The following CBLB variants were observed in gnomAD, a reference collection of about 807,000 sequenced individuals.
CBLB encodes E3 ubiquitin-protein ligase CBL-B.
A neutral mutation model predicts 104.9 loss-of-function variants in CBLB; 31 were observed. The observed-to-expected ratio is 0.30, with a 90% CI of 0.22 to 0.40. The LOEUF is 0.40. Among genes scored for constraint, CBLB ranks in the 10% least tolerant of loss-of-function variants. The pLI, the probability that CBLB is intolerant of heterozygous loss-of-function variation, is 1.00. For synonymous variants in CBLB, 440 were observed against 422.6 expected, an observed-to-expected ratio of 1.04 and a Z score of -0.51; for missense variants, 1,062 against 1,214.6, an observed-to-expected ratio of 0.87 and a Z score of 1.87.
rs865989824 is a variant in CBLB at position 105,656,109 on chromosome 3, G to A, written c.*2861C>T. On this transcript the variant is annotated 3_prime_UTR_variant, in exon 19 of 19. Transcript: ENST00000394030. ...ATTCAATTCTAGAAAAATTTGGTGA[G>A]ATATATCATACATTAGGGGATAAAA... 6.3e-5 allele frequency: 14 copies of A among 222,108 alleles called. No individual in the cohort carries two copies. In the Middle Eastern group the frequency reaches 4.2e-3, roughly 66 times the overall value. The allele number at this position is 222,108 out of a possible 1,614,324, so 13.8% of individuals were successfully genotyped here. A position where few individuals can be genotyped will look rare whatever the true frequency, so the allele number is the denominator to read the frequency against.
At chr3:105,662,004 A>T (rs1462309388) in intron 18 of CBLB, among the ~76,000 whole-genome samples, 1 of 152,184 alleles carries the variant, frequency 6.6e-6, no homozygotes, top group Non-Finnish European at 1.5e-5. Flanking sequence ...AGAACACAAA[A>T]TTTGTTGTGA....
chr3:105,700,455 A>G (rs1015160138), intron 12 of CBLB, among the ~76,000 whole-genome samples: 3 of 151,964 alleles, frequency 2.0e-5, no homozygotes, highest in African/African-American at 7.3e-5. Flanking sequence ...ACATATGAAT[A>G]AAAAGTAAAG....
At chr3:105,705,330 TAAC>T (rs1417639181) in intron 10 of CBLB, among the ~76,000 whole-genome samples, 1 of 152,222 alleles carries the variant, frequency 6.6e-6, no homozygotes, top group Non-Finnish European at 1.5e-5. Flanking sequence ...TTTTGTTAAT[TAAC>T]TAAAATCCAT....
At chr3:105,669,007 AT>A (rs561617206) in intron 18 of CBLB, among the ~76,000 whole-genome samples, 41 of 152,234 alleles carry the variant, frequency 2.7e-4, no homozygotes, top group African/African-American at 9.6e-4. Context: ...AGATATTTGC[AT>A]TTAGTTTAAT....
chr3:105,659,591 T>TCTA (rs1425501039), intron 18 of CBLB, among the ~76,000 whole-genome samples: 2 of 152,160 alleles, frequency 1.3e-5, no homozygotes, highest in Non-Finnish European at 2.9e-5. Flanking sequence ...CAGTTCACAC[T>TCTA]CTACTACAGC....
At chr3:105,838,687 G>A (rs1166037075) in intron 3 of CBLB, among the ~76,000 whole-genome samples, 1 of 106,682 alleles carries the variant, frequency 9.4e-6, no homozygotes, top group South Asian at 2.8e-4. Context: ...TTTTTTTTCT[G>A]TCGCCAGGCT....
intron 9 of CBLB, among the ~76,000 whole-genome samples, chr3:105,732,632 A>C (rs561638550): frequency 2.0e-5 from 3 of 152,324 alleles, no homozygotes; most frequent in Admixed American, 2.0e-4. Flanking sequence ...CATTAAAAAA[A>C]TATTCACAAA....
intron 18 of CBLB, among the ~76,000 whole-genome samples, chr3:105,668,738 A>G (rs2064746257): frequency 6.6e-6 from 1 of 152,174 alleles, no homozygotes; most frequent in Non-Finnish European, 1.5e-5. Context: ...AGTTACATGC[A>G]AGCAGTTAAA....
chr3:105,744,467 G>C (rs2075912206), intron 6 of CBLB, among the ~76,000 whole-genome samples: 1 of 152,094 alleles, frequency 6.6e-6, no homozygotes, highest in African/African-American at 2.4e-5. Flanking sequence ...GTTACAATGA[G>C]AACTAACTCT....
intron 13 of CBLB, among the ~76,000 whole-genome samples, chr3:105,692,675 T>C (rs561481942): frequency 6.6e-6 from 1 of 152,004 alleles, no homozygotes; most frequent in East Asian, 1.9e-4. Context: ...GTTAATTTAA[T>C]GGAAAAAGGG....
At chr3:105,712,002 C>G (rs1194191461) in intron 10 of CBLB, among the ~76,000 whole-genome samples, 2 of 151,988 alleles carry the variant, frequency 1.3e-5, no homozygotes, top group African/African-American at 2.4e-5. Context: ...ATAAAGTTGC[C>G]GACAGGTCTC....
At chr3:105,705,005 C>A (rs1353378616) in intron 10 of CBLB, among the ~76,000 whole-genome samples, 1 of 151,256 alleles carries the variant, frequency 6.6e-6, no homozygotes, top group Non-Finnish European at 1.5e-5. Flanking sequence ...GTAGCCTTAA[C>A]AGGATAAACA....
At chr3:105,708,203 T>A (rs151049764) in intron 10 of CBLB, among the ~76,000 whole-genome samples, 2 of 152,060 alleles carry the variant, frequency 1.3e-5, no homozygotes, top group Non-Finnish European at 2.9e-5. Context: ...TTTCTACATG[T>A]GATAGGTGAT....
At chr3:105,728,121 A>G (rs927779182) in intron 9 of CBLB, among the ~76,000 whole-genome samples, 3 of 152,156 alleles carry the variant, frequency 2.0e-5, no homozygotes, top group African/African-American at 7.2e-5. Context: ...GAATCTATAA[A>G]TTACTTTGGG....
Position 105,776,473 on chromosome 3 carries a change from A to G in CBLB, c.489T>C (p.Asn163=). The G allele has an allele frequency of 6.2e-7, 1 of 1,613,762 alleles. No individual in the cohort carries two copies. ...GAAAGTTATCTCCCTGGAATTGACC[A>G]TTGGGAAAGATTGCTTTGATTTCTG... The part of the protein sequence containing the change: ...MLAEIKAIFP[N]GQFQGDNFRI... The change falls in exon 4 of 19, where the codon AAT becomes AAC. Residue 163 remains asparagine, a synonymous_variant. Coordinates refer to ENST00000394030, the MANE Select transcript of CBLB (RefSeq NM_170662.5).
At chr3:105,854,587 CGTT>C (rs930514003) in intron 2 of CBLB, among the ~76,000 whole-genome samples, 4 of 142,038 alleles carry the variant, frequency 2.8e-5, no homozygotes, top group Admixed American at 1.4e-4. Flanking sequence ...CTAAGGCCCT[CGTT>C]GTATTTTTTT....
At chr3:105,864,097 G>A (rs150947087) in intron 2 of CBLB, among the ~76,000 whole-genome samples, 1 of 152,150 alleles carries the variant, frequency 6.6e-6, no homozygotes, top group East Asian at 1.9e-4. Context: ...AAAAGGCAAT[G>A]GCCAGCAGAA....
rs191330548 is a variant in CBLB, at chr3:105,752,358, A to T, written c.567-740T>A. On this transcript the variant is annotated intron_variant, in intron 4 of 18. Transcript: ENST00000394030. ...GGGAAACGTCTCTCAACCTATCCCCACCTGACCAGTTTCCAACTCACCTAC... is the reference window on the plus strand; with the variant it reads ...GGGAAACGTCTCTCAACCTATCCCCTCCTGACCAGTTTCCAACTCACCTAC... Among the ~76,000 whole-genome samples, 231 of 152,164 alleles carry T rather than the reference A, an allele frequency of 1.5e-3. 1 individual carries two copies. The highest frequency in any genetic ancestry group is 5.3e-3 in the African/African-American group (220 of 41,512).
Position 105,728,198 on chromosome 3 carries a change from G to A in CBLB, c.1203+5811C>T, listed in dbSNP as rs1225436093. On this transcript the variant is annotated intron_variant, in intron 9 of 18. Coordinates refer to ENST00000394030, the MANE Select transcript of CBLB (RefSeq NM_170662.5). ...CTCTCTGTTTGCAGATGACATGAATGTATATTTAGAAAACCCCGTCGTCTC... is the reference window on the plus strand; with the variant it reads ...CTCTCTGTTTGCAGATGACATGAATATATATTTAGAAAACCCCGTCGTCTC... Among the ~76,000 whole-genome samples, 6 of 152,034 alleles carry A rather than the reference G, an allele frequency of 3.9e-5. No individual in the cohort carries two copies. The East Asian group carries it at 1.2e-3, about 29-fold the overall frequency.
Sources: gnomAD v4.1 joint callset for allele counts (sites outside exome capture counted in the v4.1 genomes callset) on GRCh38, gnomAD v4.1.1 for gene constraint, MANE v1.5 for transcripts, NCBI Gene and HGNC (gene_info 2026-07-23, HGNC 2026-07-21) for gene names.